PCDHGA6: variants seen among roughly 807,000 people sequenced by gnomAD.
The protein encoded by PCDHGA6 is protocadherin gamma-A6.
In PCDHGA6, 41 loss-of-function variants were observed where a neutral mutation model predicts 60.6. The ratio of observed to expected loss-of-function variants is 0.68; its 90% CI spans 0.53 to 0.88. The LOEUF (loss-of-function observed/expected upper bound fraction) is 0.88, where lower values mean the gene tolerates loss of function less well. PCDHGA6 is among the 40% of genes least tolerant of loss of function. The pLI, the probability that PCDHGA6 is intolerant of heterozygous loss-of-function variation, is 0.00. For missense variants in PCDHGA6, 1,312 were observed against 1,203.0 expected, an observed-to-expected ratio of 1.09 and a Z score of -1.34; for synonymous variants, 594 against 524.4, an observed-to-expected ratio of 1.13 and a Z score of -1.81.
intron 1 of PCDHGA6, among the ~76,000 whole-genome samples, chr5:141,434,605 T>C (rs1448149059): frequency 6.6e-6 from 1 of 152,198 alleles, no homozygotes; most frequent in Non-Finnish European, 1.5e-5. Context: ...ATCCCTTTAT[T>C]TCCGCCCATC....
intron 3 of PCDHGA6, chr5:141,507,089 C>T (rs564539147): frequency 2.0e-5 from 3 of 152,298 alleles, no homozygotes; most frequent in Admixed American, 1.3e-4. Context: ...TAAGTTTATG[C>T]TCTTTCTACT....
intron 3 of PCDHGA6, among the ~76,000 whole-genome samples, chr5:141,510,329 A>G (rs1433056614): frequency 6.7e-6 from 1 of 150,230 alleles, no homozygotes; most frequent in South Asian, 2.1e-4. Context: ...AGCACTCTTC[A>G]CCCCCACCCC....
intron 1 of PCDHGA6, among the ~76,000 whole-genome samples, chr5:141,435,157 A>G (rs1387976305): frequency 6.6e-6 from 1 of 152,176 alleles, no homozygotes; most frequent in Non-Finnish European, 1.5e-5. Context: ...AAACTTTTGT[A>G]AATAGAGTGG....
At chr5:141,389,547 G>A in intron 1 of PCDHGA6, 1 of 1,613,252 alleles carries the variant, frequency 6.2e-7, no homozygotes, top group East Asian at 2.2e-5. Context: ...CGACCGCAAC[G>A]ACAATGCGCC....
chr5:141,398,009 C>G (rs1589315775), intron 1 of PCDHGA6: 1 of 1,400,564 alleles, frequency 7.1e-7, no homozygotes, highest in Non-Finnish European at 9.5e-7. Context: ...GAAAAAGAAT[C>G]GTTTCCTAAA....
chr5:141,503,307 G>T (rs1042228003), intron 2 of PCDHGA6, among the ~76,000 whole-genome samples: 5 of 152,096 alleles, frequency 3.3e-5, no homozygotes, highest in African/African-American at 1.2e-4. Context: ...GCTCAAGAAA[G>T]AATTGTTGGA....
At chr5:141,441,862 G>A (rs2098280399) in intron 1 of PCDHGA6, 3 of 342,456 alleles carry the variant, frequency 8.8e-6, no homozygotes, top group Non-Finnish European at 1.1e-5. Context: ...GCTGCACGCC[G>A]CGGAGCCTGG....
At chr5:141,421,873 T>G (rs1219669838) in intron 1 of PCDHGA6, 3 of 1,613,592 alleles carry the variant, frequency 1.9e-6, no homozygotes, top group Non-Finnish European at 2.5e-6. Context: ...CCTCACAGCT[T>G]TAGATGGAGG....
At chr5:141,498,796 G>A (rs1160540093) in intron 2 of PCDHGA6, among the ~76,000 whole-genome samples, 1 of 152,032 alleles carries the variant, frequency 6.6e-6, no homozygotes, top group Non-Finnish European at 1.5e-5. Context: ...AGCCAGGTGT[G>A]GTGGTGCACA....
chr5:141,441,740 G>T (rs1241907865), intron 1 of PCDHGA6: 2 of 364,772 alleles, frequency 5.5e-6, no homozygotes, highest in Non-Finnish European at 1.1e-5. Context: ...ACTAGCTCGC[G>T]CTCGGCGTCA....
intron 1 of PCDHGA6, chr5:141,378,235 G>C (rs1774737741): frequency 6.6e-6 from 1 of 152,228 alleles, no homozygotes; most frequent in Non-Finnish European, 1.5e-5. Context: ...GTATTTAAGA[G>C]TGAAAATGGC....
At chr5:141,427,484 T>C (rs766997973) in intron 1 of PCDHGA6, 7 of 539,726 alleles carry the variant, frequency 1.3e-5, no homozygotes, top group Non-Finnish European at 2.5e-5. Context: ...ATAATGACTA[T>C]AAGCTTGTAA....
chr5:141,404,826 A>C lies in PCDHGA6; in HGVS notation c.2424+28319A>C, dbSNP rs771996319. 2.5e-6 allele frequency: 4 copies of C among 1,613,710 alleles called. No individual in the cohort carries two copies. In the South Asian group the frequency reaches 3.3e-5, roughly 13 times the overall value. The stretch of plus-strand genomic sequence containing the variant: ...TTCTCGGTGGGGCTGCACACAGGTG[A>C]AGTGCGCACAGCTCGGGCCCTGCTA... On this transcript the variant is annotated intron_variant, in intron 1 of 3. Transcript: ENST00000517434.
intron 1 of PCDHGA6, among the ~76,000 whole-genome samples, chr5:141,450,145 T>A (rs2098671113): frequency 6.6e-6 from 1 of 151,890 alleles, no homozygotes; most frequent in South Asian, 2.1e-4. Flanking sequence ...TAGCTGGGAC[T>A]ACAGGCATGT....
At chr5:141,427,570 C>G (rs1487817661) in intron 1 of PCDHGA6, 8 of 662,270 alleles carry the variant, frequency 1.2e-5, no homozygotes, top group Non-Finnish European at 2.2e-5. Flanking sequence ...GGCAAGCCTC[C>G]GCTCTCATCC....
At chr5:141,423,089 G>A in intron 1 of PCDHGA6, 1 of 1,614,016 alleles carries the variant, frequency 6.2e-7, no homozygotes, top group Non-Finnish European at 8.5e-7. Flanking sequence ...TTCGCGGTGG[G>A]GGAGCACACG....
Position 141,491,663 on chromosome 5 carries a change from T to G in PCDHGA6, c.2425-3144T>G, listed in dbSNP as rs895604632. ...GCTCTGGCGCTGGAGCCTGACGCCA[T>G]CCGGTCCCGCTCTAATACGCTGCGG... On this transcript the variant is annotated intron_variant, in intron 1 of 3. Coordinates refer to ENST00000517434, the MANE Select transcript of PCDHGA6 (RefSeq NM_018919.3). The surrounding 1 kb of genome is among the most constrained non-coding windows in gnomAD (Gnocchi z 6.9). The G allele has an allele frequency of 3.1e-6, 5 of 1,613,650 alleles. No homozygotes were observed. Among genetic ancestry groups the G allele is most frequent in the Non-Finnish European group, 4.2e-6 (5 of 1,180,014 alleles).
chr5:141,489,210 G>C lies in PCDHGA6; in HGVS notation c.2425-5597G>C. ...TCTACCTTGGAGACAGGACAGCACA[G>C]ACTTACTCTCCACAAAGGGACTTCT... On this transcript the variant is annotated intron_variant, in intron 1 of 3. Coordinates refer to ENST00000517434, the MANE Select transcript of PCDHGA6 (RefSeq NM_018919.3). This position sits in a 1 kb window ranked among gnomAD's most constrained non-coding sequence, Gnocchi z 4.5. 6.8e-7 allele frequency: 1 copy of C among 1,461,860 alleles called. No individual in the cohort carries two copies. Among genetic ancestry groups the C allele is most frequent in the African/African-American group, 1.4e-5 (1 of 70,802 alleles). 90.6% of individuals were successfully genotyped at this position (1,461,860 alleles called of 1,614,324 possible).
chr5:141,431,090 G>C lies in PCDHGA6; in HGVS notation c.2424+54583G>C. On this transcript the variant is annotated intron_variant, in intron 1 of 3. Transcript: ENST00000517434. The surrounding 1 kb of genome is among the most constrained non-coding windows in gnomAD (Gnocchi z 4.8). ...TCAATTAAATCTAGACATTCTGATG[G>C]AGGATAAAGTGAAAATATATGGAGT... is the stretch of plus-strand genomic sequence containing the variant. 6.2e-7 allele frequency: 1 copy of C among 1,614,246 alleles called. No homozygotes were observed. The highest frequency in any genetic ancestry group is 8.5e-7 in the Non-Finnish European group (1 of 1,180,032).
Sources: gnomAD v4.1 joint callset for allele counts (sites outside exome capture counted in the v4.1 genomes callset) on GRCh38, gnomAD v4.1.1 for gene constraint, Gnocchi (gnomAD v3.1) non-coding constraint, MANE v1.5 for transcripts, NCBI Gene and HGNC (gene_info 2026-07-23, HGNC 2026-07-21) for gene names.